CEP128: variants seen among roughly 807,000 people sequenced by gnomAD.
The protein encoded by CEP128 is centrosomal protein 128kDa.
Under a neutral mutation model 156.7 loss-of-function variants are expected in CEP128, and 132 were observed. That is an observed-to-expected ratio of 0.84 (90% CI 0.73 to 0.97). CEP128 has a LOEUF of 0.97. Among genes scored for constraint, CEP128 ranks in the 50% least tolerant of loss-of-function variants. CEP128 has a pLI of 0.00. For missense variants in CEP128, 1,252 were observed against 1,281.9 expected, an observed-to-expected ratio of 0.98 and a Z score of 0.36; for synonymous variants, 469 against 448.9, an observed-to-expected ratio of 1.04 and a Z score of -0.57.
intron 2 of CEP128, chr14:80,955,592 G>T: frequency 3.9e-6 from 6 of 1,526,514 alleles, no homozygotes; most frequent in Non-Finnish European, 5.4e-6. Flanking sequence ...CCGCTCCCGG[G>T]TCTCCTTTGG....
intron 8 of CEP128, among the ~76,000 whole-genome samples, chr14:80,870,386 T>C (rs1351229558): frequency 6.6e-6 from 1 of 151,866 alleles, no homozygotes; most frequent in African/African-American, 2.4e-5. Flanking sequence ...AAAGAATCAT[T>C]ACACCAATCA....
At position 80,926,705 on chromosome 14, in the gene CEP128, T is replaced by C. The variant is rs1435755932; in HGVS notation, c.-15-10143A>G. Among the ~76,000 whole-genome samples the C allele has an allele frequency of 2.6e-5, 4 of 152,172 alleles. No homozygotes were observed. The South Asian group carries it at 6.2e-4, about 24-fold the overall frequency. On this transcript the variant is annotated intron_variant, in intron 2 of 24. Coordinates refer to ENST00000555265, the MANE Select transcript of CEP128 (RefSeq NM_152446.5). ...ACCACTGATACTGCAACTGTTGCTC[T>C]TTTGCAAGCACCACCTCCAGGCTGG...
At chr14:80,690,372 C>A (rs1896678728) in intron 19 of CEP128, among the ~76,000 whole-genome samples, 1 of 149,406 alleles carries the variant, frequency 6.7e-6, no homozygotes, top group Admixed American at 6.7e-5. Flanking sequence ...GTTGTGATCG[C>A]ATCATTGTAC....
At chr14:80,692,055 TG>T (rs1327544128) in intron 19 of CEP128, among the ~76,000 whole-genome samples, 2 of 152,170 alleles carry the variant, frequency 1.3e-5, no homozygotes, top group East Asian at 1.9e-4. Context: ...CCCAGTTAGA[TG>T]GATTTTGGGG....
chr14:80,499,241 T>C (rs753873320), intron 24 of CEP128, among the ~76,000 whole-genome samples: 7 of 152,182 alleles, frequency 4.6e-5, no homozygotes, highest in Non-Finnish European at 7.3e-5. Context: ...GTTAGCCGGG[T>C]AGACCTTGAA....
rs773672579 is a variant in CEP128 at position 80,785,508 on chromosome 14, T to C, written c.1598A>G (p.Tyr533Cys). Residue 533 changes from tyrosine (Y) to cysteine (C), a missense_variant, in exon 15 of 25, where the codon TAT (tyrosine) becomes TGT (cysteine). Transcript: ENST00000555265. The part of the protein sequence containing the change: ...KEKDELKTQL[Y>C]AALQQIENLR... ...ATTCTCTATTTGTTGTAATGCTGCATACAGCTGGGTTTTCAATTCATCCTT... is the reference window on the plus strand; with the variant it reads ...ATTCTCTATTTGTTGTAATGCTGCACACAGCTGGGTTTTCAATTCATCCTT... 4.3e-6 allele frequency: 7 copies of C among 1,612,198 alleles called. No homozygotes were observed. The highest frequency in any genetic ancestry group is 5.9e-6 in the Non-Finnish European group (7 of 1,179,246).
chr14:80,789,618 G>C (rs1339274501), intron 14 of CEP128, among the ~76,000 whole-genome samples: 1 of 152,018 alleles, frequency 6.6e-6, no homozygotes, highest in Non-Finnish European at 1.5e-5. Flanking sequence ...GCAGTCAAGA[G>C]CAAAAATGGG....
chr14:80,828,767 C>T (rs1885624196), intron 13 of CEP128, among the ~76,000 whole-genome samples: 1 of 152,124 alleles, frequency 6.6e-6, no homozygotes, highest in African/African-American at 2.4e-5. Flanking sequence ...TAAAAAGAAA[C>T]ACATTAATGA....
intron 8 of CEP128, among the ~76,000 whole-genome samples, chr14:80,868,644 C>A (rs1887886158): frequency 6.6e-6 from 1 of 151,998 alleles, no homozygotes; most frequent in Non-Finnish European, 1.5e-5. Flanking sequence ...CAAGTTCCTA[C>A]CTATAAATAA....
In CEP128 at chr14:80,725,252, G is replaced by A. The variant is rs573842806; in HGVS notation, c.2806+17823C>T. ...GGCTGTAGTGCAGTGGCACAATCTC[G>A]GCTCACTGCAACCTTCACCTCCCAG... On this transcript the variant is annotated intron_variant, in intron 19 of 24. Coordinates refer to ENST00000555265, the MANE Select transcript of CEP128 (RefSeq NM_152446.5). 8.6e-4 allele frequency among the ~76,000 whole-genome samples: 129 copies of A among 149,440 alleles called. 1 individual carries two copies. Among genetic ancestry groups the A allele is most frequent in the Admixed American group, 4.8e-3 (72 of 14,898 alleles).
chr14:80,673,277 TA>T (rs1895914770), intron 19 of CEP128, among the ~76,000 whole-genome samples: 1 of 152,212 alleles, frequency 6.6e-6, no homozygotes, highest in Non-Finnish European at 1.5e-5. Context: ...CAGTATTTAT[TA>T]AAAGAAATAT....
At chr14:80,583,422 A>T (rs774766989) in intron 19 of CEP128, among the ~76,000 whole-genome samples, 6 of 152,030 alleles carry the variant, frequency 3.9e-5, no homozygotes, top group Non-Finnish European at 8.8e-5. Context: ...CAAGAGGCCT[A>T]ACTAACCTTT....
intron 19 of CEP128, among the ~76,000 whole-genome samples, chr14:80,610,107 T>A (rs1013188023): frequency 6.6e-6 from 1 of 152,202 alleles, no homozygotes; most frequent in Non-Finnish European, 1.5e-5. Flanking sequence ...TATATAAAAC[T>A]TTCATCTGAA....
At position 80,577,615 on chromosome 14, in the gene CEP128, G is replaced by A. The variant is rs148292381; in HGVS notation, c.2856+2759C>T. Reference sequence around the variant, plus strand: ...ATCCAGGTCACCATCATCTCTTGCCGAGAGTCTCACAAATGTCTGCTTAAT... The same window carrying A: ...ATCCAGGTCACCATCATCTCTTGCCAAGAGTCTCACAAATGTCTGCTTAAT... On this transcript the variant is annotated intron_variant, in intron 20 of 24. Coordinates refer to ENST00000555265, the MANE Select transcript of CEP128 (RefSeq NM_152446.5). Among the ~76,000 whole-genome samples the A allele has an allele frequency of 2.5e-3, 385 of 152,190 alleles. 8 individuals carry two copies. The East Asian group carries it at 0.062, about 25-fold the overall frequency.
At chr14:80,667,771 T>C (rs548853701) in intron 19 of CEP128, among the ~76,000 whole-genome samples, 450 of 144,380 alleles carry the variant, frequency 3.1e-3, no homozygotes, top group Non-Finnish European at 5.1e-3. Flanking sequence ...GGCAGGAGAA[T>C]GGCATGAACC....
intron 16 of CEP128, among the ~76,000 whole-genome samples, chr14:80,764,871 T>C (rs1475921897): frequency 6.6e-6 from 1 of 152,204 alleles, no homozygotes; most frequent in Non-Finnish European, 1.5e-5. Context: ...TCCTTTCCCC[T>C]GTTTTTTATT....
At chr14:80,692,268 T>TAACTTC (rs1475697035) in intron 19 of CEP128, among the ~76,000 whole-genome samples, 11 of 152,166 alleles carry the variant, frequency 7.2e-5, no homozygotes, top group Non-Finnish European at 1.5e-4. Flanking sequence ...GGGTAAAACA[T>TAACTTC]TTTGCAAGAG....
At chr14:80,535,824 C>G (rs765825891) in intron 21 of CEP128, among the ~76,000 whole-genome samples, 16 of 152,126 alleles carry the variant, frequency 1.1e-4, no homozygotes, top group Non-Finnish European at 1.9e-4. Context: ...TTCTAATAAA[C>G]CCACTGAATC....
intron 13 of CEP128, among the ~76,000 whole-genome samples, chr14:80,826,497 G>A (rs1037681229): frequency 1.1e-4 from 17 of 152,148 alleles, no homozygotes; most frequent in Middle Eastern, 3.4e-3. Flanking sequence ...ATATTAAAGC[G>A]GGCATACAGT....
Sources: gnomAD v4.1 joint callset for allele counts (sites outside exome capture counted in the v4.1 genomes callset) on GRCh38, gnomAD v4.1.1 for gene constraint, MANE v1.5 for transcripts, NCBI Gene and HGNC (gene_info 2026-07-23, HGNC 2026-07-21) for gene names.